SLC35F3: variants seen among roughly 807,000 people sequenced by gnomAD.
SLC35F3 encodes the protein putative thiamine transporter SLC35F3.
SLC35F3 carries 25 observed loss-of-function variants against 49.9 expected under a neutral mutation model. The observed-to-expected ratio is 0.50, with a 90% CI of 0.37 to 0.70. The LOEUF (loss-of-function observed/expected upper bound fraction) is 0.70. Among genes scored for constraint, SLC35F3 ranks in the 30% least tolerant of loss-of-function variants. SLC35F3 has a pLI of 0.00. For synonymous variants in SLC35F3, 275 were observed against 265.4 expected (o/e 1.04, Z -0.35); for missense variants, 525 against 639.8 (o/e 0.82, Z 1.94).
intron 2 of SLC35F3, among the ~76,000 whole-genome samples, chr1:234,181,763 C>G (rs999040753): frequency 2.6e-5 from 4 of 151,958 alleles, no homozygotes; most frequent in Non-Finnish European, 4.4e-5. Context: ...TGCATTGTGA[C>G]CTTATTCTGG....
chr1:234,232,823 G>C (rs1239738846), intron 3 of SLC35F3, among the ~76,000 whole-genome samples: 1 of 152,208 alleles, frequency 6.6e-6, no homozygotes, highest in Non-Finnish European at 1.5e-5. Context: ...CCCTGGACCA[G>C]AATTTCTTTC....
At chr1:234,146,364 CATTTCCATGATATTACTATT>C (rs1665995037) in intron 2 of SLC35F3, among the ~76,000 whole-genome samples, 1 of 151,606 alleles carries the variant, frequency 6.6e-6, no homozygotes, top group Non-Finnish European at 1.5e-5. Context: ...TATCCAGCTT[CATTTCCATGATATTACTATT>C]GCCTAATTTT....
intron 2 of SLC35F3, among the ~76,000 whole-genome samples, chr1:234,161,651 TA>T (rs1469878188): frequency 6.6e-6 from 1 of 151,926 alleles, no homozygotes; most frequent in East Asian, 1.9e-4. Context: ...AATACGTATA[TA>T]AAACTTAGCG....
chr1:234,017,715 GAA>G (rs35271984), intron 2 of SLC35F3, among the ~76,000 whole-genome samples: 7 of 91,766 alleles, frequency 7.6e-5, no homozygotes, highest in East Asian at 7.4e-4. Flanking sequence ...CTTTGTCTCA[GAA>G]AAAAAAAAAA....
intron 3 of SLC35F3, chr1:234,285,454 A>G (rs1211876617): frequency 9.7e-6 from 4 of 412,592 alleles, no homozygotes; most frequent in Non-Finnish European, 1.4e-5. Flanking sequence ...CTGATTCAGC[A>G]AGTTGCAACA....
intron 2 of SLC35F3, among the ~76,000 whole-genome samples, chr1:233,990,734 A>G (rs1027964732): frequency 6.6e-6 from 1 of 152,228 alleles, no homozygotes; most frequent in Middle Eastern, 3.2e-3. Flanking sequence ...GCATACCTTG[A>G]ATACTCACAT....
chr1:233,994,828 C>T (rs372660219), intron 2 of SLC35F3, among the ~76,000 whole-genome samples: 16 of 151,608 alleles, frequency 1.1e-4, no homozygotes, highest in Non-Finnish European at 1.9e-4. Context: ...CTAAGTTTTT[C>T]GAGCTCTTAA....
chr1:234,024,823 C>T (rs1663953650), intron 2 of SLC35F3, among the ~76,000 whole-genome samples: 2 of 152,056 alleles, frequency 1.3e-5, no homozygotes, highest in Non-Finnish European at 2.9e-5. Context: ...TTTTTTCTTT[C>T]CAACTGTTAT....
chr1:234,264,700 C>CT (rs1254111762), intron 3 of SLC35F3, among the ~76,000 whole-genome samples: 2 of 152,116 alleles, frequency 1.3e-5, no homozygotes, highest in East Asian at 3.9e-4. Flanking sequence ...ACTGCAGGCA[C>CT]ACACCATCAT....
intron 2 of SLC35F3, among the ~76,000 whole-genome samples, chr1:234,039,465 G>A (rs1270050820): frequency 6.6e-6 from 1 of 152,182 alleles, no homozygotes; most frequent in Non-Finnish European, 1.5e-5. Context: ...TGGAAGGTGA[G>A]GGAGGCTTCA....
At chr1:234,317,742 A>C (rs908312280) in intron 5 of SLC35F3, among the ~76,000 whole-genome samples, 1 of 152,222 alleles carries the variant, frequency 6.6e-6, no homozygotes, top group East Asian at 1.9e-4. Context: ...AGATGTGATA[A>C]TCTAGCACCA....
At chr1:233,967,695 G>T (rs950783627) in intron 2 of SLC35F3, among the ~76,000 whole-genome samples, 12 of 152,154 alleles carry the variant, frequency 7.9e-5, no homozygotes, top group Non-Finnish European at 1.8e-4. Flanking sequence ...TTTAAAAGTA[G>T]ATTTAATTTA....
intron 2 of SLC35F3, among the ~76,000 whole-genome samples, chr1:233,994,211 G>A (rs77282916): frequency 0.025 from 3,736 of 152,256 alleles, 129 homozygotes; most frequent in African/African-American, 0.076. Context: ...AGATAAAATC[G>A]TATGAGCCCT....
intron 2 of SLC35F3, among the ~76,000 whole-genome samples, chr1:234,060,991 T>A (rs1664531216): frequency 6.6e-6 from 1 of 152,228 alleles, no homozygotes. Context: ...CTTACGAGAA[T>A]AAGGGAAAAG....
At chr1:234,054,091 A>G (rs1459784250) in intron 2 of SLC35F3, among the ~76,000 whole-genome samples, 3 of 152,002 alleles carry the variant, frequency 2.0e-5, no homozygotes, top group Non-Finnish European at 4.4e-5. Flanking sequence ...CTTCATTTCA[A>G]CTTTGGTGAA....
At chr1:234,152,227 G>GTTATTATTATTATTATTATTA (rs61307533) in intron 2 of SLC35F3, among the ~76,000 whole-genome samples, 37 of 144,580 alleles carry the variant, frequency 2.6e-4, no homozygotes, top group African/African-American at 9.5e-4. Context: ...TATTATTATT[G>GTTATTATTATTATTATTATTA]TTATTATTAT....
At chr1:234,241,523 G>C (rs1200442711) in intron 3 of SLC35F3, among the ~76,000 whole-genome samples, 3 of 152,214 alleles carry the variant, frequency 2.0e-5, no homozygotes, top group East Asian at 3.9e-4. Flanking sequence ...ATCACCTGAA[G>C]TCAGGAGTTC....
chr1:234,109,541 TC>T (rs1479399088), intron 2 of SLC35F3, among the ~76,000 whole-genome samples: 1 of 152,226 alleles, frequency 6.6e-6, no homozygotes, highest in Non-Finnish European at 1.5e-5. Flanking sequence ...GCGGTTGACT[TC>T]CTTCTTACAC....
At chr1:233,989,324 T>C (rs1207531016) in intron 2 of SLC35F3, among the ~76,000 whole-genome samples, 1 of 152,266 alleles carries the variant, frequency 6.6e-6, no homozygotes, top group Non-Finnish European at 1.5e-5. Context: ...GAAAACTTTT[T>C]TGTTTCATAA....
Sources: gnomAD v4.1 joint callset for allele counts (sites outside exome capture counted in the v4.1 genomes callset) on GRCh38, gnomAD v4.1.1 for gene constraint, MANE v1.5 for transcripts, NCBI Gene and HGNC (gene_info 2026-07-23, HGNC 2026-07-21) for gene names.